FSTL5: variants seen among roughly 807,000 people sequenced by gnomAD.
FSTL5 encodes the protein follistatin-related protein 5.
FSTL5 carries 62 observed loss-of-function variants against 89.1 expected under a neutral mutation model. The ratio of observed to expected loss-of-function variants is 0.70; its 90% CI spans 0.57 to 0.86. The LOEUF is 0.86. FSTL5 is among the 40% of genes least tolerant of loss of function. The pLI, the probability that FSTL5 is intolerant of heterozygous loss-of-function variation, is 0.00. For synonymous variants in FSTL5, 383 were observed against 346.2 expected (o/e 1.11, Z -1.18); for missense variants, 1,057 against 1,001.6 (o/e 1.06, Z -0.75).
chr4:161,489,097 G>T (rs957272706), intron 12 of FSTL5, among the ~76,000 whole-genome samples: 10 of 152,056 alleles, frequency 6.6e-5, no homozygotes, highest in African/African-American at 2.4e-4. Context: ...TATTGAATTA[G>T]ATGAGAAAAG....
chr4:161,958,787 G>A (rs577240418), intron 3 of FSTL5, among the ~76,000 whole-genome samples: 3 of 152,230 alleles, frequency 2.0e-5, no homozygotes, highest in South Asian at 2.1e-4. Flanking sequence ...ATCCTGCAGA[G>A]GAAAAGATTG....
chr4:161,579,740 AAAAAGAAAG>A lies in FSTL5; in HGVS notation c.1015+7706_1015+7714del, dbSNP rs1166041886. ...AAAAAACAAAAACAAACAAAAAAAAAAAAAGAAAGAAAAAGAAAAAAAGAAAAAAAAATG... is the reference window on the plus strand; with the variant it reads ...AAAAAACAAAAACAAACAAAAAAAAAAAAAAGAAAAAAAGAAAAAAAAATG... On this transcript the variant is annotated intron_variant, in intron 8 of 15. Coordinates refer to ENST00000306100, the MANE Select transcript of FSTL5 (RefSeq NM_020116.5). Among the ~76,000 whole-genome samples the A allele has an allele frequency of 5.4e-3, 556 of 103,640 alleles. 1 individual carries two copies. The highest frequency in any genetic ancestry group is 7.5e-3 in the Non-Finnish European group (322 of 43,204). The allele number at this position is 103,640 out of a possible 152,430, so 68.0% of individuals were successfully genotyped here. A position where few individuals can be genotyped will look rare whatever the true frequency, so the allele number is the denominator to read the frequency against.
At chr4:161,603,703 T>C (rs369818392) in intron 7 of FSTL5, among the ~76,000 whole-genome samples, 8 of 152,240 alleles carry the variant, frequency 5.3e-5, no homozygotes, top group African/African-American at 1.9e-4. Flanking sequence ...TTGTGTAATA[T>C]ACATGACATG....
chr4:161,619,037 A>C (rs1382408463), intron 7 of FSTL5, among the ~76,000 whole-genome samples: 2 of 152,184 alleles, frequency 1.3e-5, no homozygotes, highest in Admixed American at 1.3e-4. Flanking sequence ...ATAACGCTGC[A>C]TATCTACAAC....
At chr4:161,896,670 A>G (rs1395083825) in intron 4 of FSTL5, among the ~76,000 whole-genome samples, 1 of 152,196 alleles carries the variant, frequency 6.6e-6, no homozygotes, top group Non-Finnish European at 1.5e-5. Context: ...CCTGTGAAGA[A>G]CTATTATATT....
chr4:161,532,995 A>T (rs985049667), intron 10 of FSTL5, among the ~76,000 whole-genome samples: 1 of 147,634 alleles, frequency 6.8e-6, no homozygotes, highest in African/African-American at 2.5e-5. Context: ...GAACAATAAC[A>T]TTAACGCAGA....
At chr4:161,658,713 G>GTTACAAACTTACAGAAAGTGAGAAC (rs1479154060) in intron 6 of FSTL5, among the ~76,000 whole-genome samples, 1 of 152,034 alleles carries the variant, frequency 6.6e-6, no homozygotes, top group African/African-American at 2.4e-5. Context: ...CTTTTTTAAT[G>GTTACAAACTTACAGAAAGTGAGAAC]TTACAAACTT....
intron 6 of FSTL5, among the ~76,000 whole-genome samples, chr4:161,723,506 T>C (rs1466995984): frequency 6.6e-6 from 1 of 152,200 alleles, no homozygotes; most frequent in Non-Finnish European, 1.5e-5. Flanking sequence ...GACTTTATTT[T>C]CCTTTGCTCC....
At chr4:161,975,642 T>C (rs772754920) in intron 3 of FSTL5, among the ~76,000 whole-genome samples, 13 of 151,802 alleles carry the variant, frequency 8.6e-5, no homozygotes, top group Non-Finnish European at 1.9e-4. Flanking sequence ...CTGGGAGATA[T>C]ACTTAATGCT....
intron 7 of FSTL5, among the ~76,000 whole-genome samples, chr4:161,617,759 C>T (rs917693863): frequency 2.6e-5 from 4 of 152,108 alleles, no homozygotes; most frequent in African/African-American, 7.2e-5. Context: ...GAAAGAAAAA[C>T]TGTGATTATA....
chr4:161,988,975 T>C (rs974473858), intron 3 of FSTL5, among the ~76,000 whole-genome samples: 10 of 152,116 alleles, frequency 6.6e-5, no homozygotes, highest in African/African-American at 2.4e-4. Context: ...GTGGGGCAGA[T>C]TGACAAAGTG....
chr4:161,453,066 T>C (rs945373068), intron 15 of FSTL5, among the ~76,000 whole-genome samples: 1 of 152,158 alleles, frequency 6.6e-6, no homozygotes, highest in Non-Finnish European at 1.5e-5. Context: ...CAAATAGCAC[T>C]TACTGCATGC....
intron 6 of FSTL5, among the ~76,000 whole-genome samples, chr4:161,683,487 T>C (rs891265545): frequency 3.3e-5 from 5 of 152,134 alleles, no homozygotes; most frequent in Admixed American, 3.3e-4. Context: ...CATTAGCATT[T>C]TAATAATTTT....
intron 15 of FSTL5, among the ~76,000 whole-genome samples, chr4:161,420,079 GC>G (rs974762350): frequency 2.6e-5 from 4 of 152,208 alleles, no homozygotes; most frequent in African/African-American, 9.7e-5. Context: ...AACAAAGAGG[GC>G]CCCTTGGGGC....
chr4:161,986,089 C>A (rs189282674), intron 3 of FSTL5, among the ~76,000 whole-genome samples: 16 of 152,204 alleles, frequency 1.1e-4, no homozygotes, highest in East Asian at 7.7e-4. Flanking sequence ...TTCCCACAGA[C>A]CCTTACACCT....
chr4:162,025,654 A>C (rs1737251581), intron 3 of FSTL5, among the ~76,000 whole-genome samples: 1 of 152,104 alleles, frequency 6.6e-6, no homozygotes, highest in Admixed American at 6.6e-5. Context: ...GAATGATATT[A>C]TTACTTATTG....
chr4:161,521,773 C>A (rs542241034), intron 10 of FSTL5, among the ~76,000 whole-genome samples: 13 of 139,242 alleles, frequency 9.3e-5, no homozygotes, highest in African/African-American at 3.3e-4. Context: ...GGCGTGAACC[C>A]GGAAGGCGGA....
At chr4:161,786,433 C>A (rs1218137889) in intron 4 of FSTL5, among the ~76,000 whole-genome samples, 1 of 152,048 alleles carries the variant, frequency 6.6e-6, no homozygotes, top group African/African-American at 2.4e-5. Flanking sequence ...GTTATCCCAA[C>A]TATTTGTTAA....
intron 3 of FSTL5, among the ~76,000 whole-genome samples, chr4:161,954,995 T>C (rs1734991176): frequency 6.6e-6 from 1 of 151,328 alleles, no homozygotes; most frequent in South Asian, 2.1e-4. Flanking sequence ...CACAGTAAAA[T>C]GCATGAGGGA....
Sources: gnomAD v4.1 joint callset for allele counts (sites outside exome capture counted in the v4.1 genomes callset) on GRCh38, gnomAD v4.1.1 for gene constraint, MANE v1.5 for transcripts, NCBI Gene and HGNC (gene_info 2026-07-23, HGNC 2026-07-21) for gene names.